The following TRPM6 variants were observed in gnomAD, a reference collection of about 807,000 sequenced individuals.
TRPM6 encodes the protein channel kinase 2.
TRPM6 carries 111 observed loss-of-function variants against 247.6 expected under a neutral mutation model. The ratio of observed to expected loss-of-function variants is 0.45; its 90% confidence interval spans 0.38 to 0.52. The LOEUF (loss-of-function observed/expected upper bound fraction) is 0.52. Ranked by LOEUF, TRPM6 falls within the 20% of genes least tolerant of loss-of-function variation. The pLI, the probability that TRPM6 is intolerant of heterozygous loss-of-function variation, is 0.00. For missense variants in TRPM6, 2,126 were observed against 2,421.5 expected (o/e 0.88, Z 2.56); for synonymous variants, 892 against 853.8 (o/e 1.04, Z -0.78).
Position 74,728,221 on chromosome 9 carries a change from G to A in TRPM6, c.5935+18C>T, listed in dbSNP as rs1449273081. ...ATGAGAGATTTACTTAGAGAAAAAA[G>A]AACTGTTAGTGGCATACCCGGGAGT... On this transcript the variant is annotated intron_variant, in intron 38 of 38. Transcript: ENST00000360774. 6.4e-7 allele frequency: 1 copy of A among 1,569,454 alleles called. No individual in the cohort carries two copies.
chr9:74,737,317 G>A (rs1158957806), intron 36 of TRPM6: 2 of 1,246,044 alleles, frequency 1.6e-6, no homozygotes, highest in African/African-American at 3.1e-5. Context: ...CCTTGAGCAT[G>A]TGACACAAGT....
intron 3 of TRPM6, among the ~76,000 whole-genome samples, chr9:74,844,821 C>T (rs1200063127): frequency 6.6e-6 from 1 of 152,220 alleles, no homozygotes; most frequent in South Asian, 2.1e-4. Flanking sequence ...TTTCAACATG[C>T]CTTCCTCACT....
chr9:74,799,833 C>T (rs970436818), intron 17 of TRPM6: 18 of 213,776 alleles, frequency 8.4e-5, no homozygotes, highest in Middle Eastern at 1.8e-3. Flanking sequence ...AGATAAAAGT[C>T]GTCTTCACAG....
chr9:74,778,006 CT>C (rs1262216808), intron 23 of TRPM6, among the ~76,000 whole-genome samples: 8 of 152,298 alleles, frequency 5.3e-5, no homozygotes, highest in African/African-American at 1.7e-4. Context: ...AGGTGCCACC[CT>C]ACAAAATGCC....
In TRPM6 at chr9:74,737,855, C is replaced by T. The variant is rs532096387; in HGVS notation, c.5776+552G>A. Among the ~76,000 whole-genome samples the T allele has an allele frequency of 2.6e-5, 4 of 152,178 alleles. No individual in the cohort carries two copies. In the East Asian group the frequency reaches 5.8e-4, roughly 22 times the overall value. ...CTGCTGGAGATACTCTGTTTTGTGC[C>T]GCAGGATTATAAGTCACATGTGAGG... On this transcript the variant is annotated intron_variant, in intron 36 of 38. Coordinates refer to ENST00000360774, the MANE Select transcript of TRPM6 (RefSeq NM_017662.5).
At chr9:74,853,797 T>G (rs1378396116) in intron 3 of TRPM6, among the ~76,000 whole-genome samples, 1 of 152,008 alleles carries the variant, frequency 6.6e-6, no homozygotes, top group South Asian at 2.1e-4. Flanking sequence ...TTCCCTCCAC[T>G]ATTGTCCTAT....
In TRPM6 at chr9:74,762,039, G is replaced by A. The variant is rs1204490917; in HGVS notation, c.4632C>T (p.Phe1544=). The A allele has an allele frequency of 6.2e-7, 1 of 1,613,888 alleles. No homozygotes were observed. Among genetic ancestry groups the A allele is most frequent in the African/African-American group, 1.3e-5 (1 of 74,868 alleles). ...TCTTCATCAATTTCTCCTCCTTATG[G>A]AATCTAAAACTATGACTCCTAGCGA... is the stretch of plus-strand genomic sequence containing the variant. ...RPFARSHSFR[F]HKEEKLMKIC... is the part of the protein sequence containing the mutation. Residue 1544 remains phenylalanine, a synonymous_variant, in exon 26 of 39, where the codon TTC becomes TTT. Coordinates refer to ENST00000360774, the MANE Select transcript of TRPM6 (RefSeq NM_017662.5).
intron 7 of TRPM6, among the ~76,000 whole-genome samples, chr9:74,823,088 TA>T (rs1350597246): frequency 6.6e-6 from 1 of 152,240 alleles, no homozygotes; most frequent in African/African-American, 2.4e-5. Context: ...CACTGTATTT[TA>T]TTTTATTTTC....
intron 27 of TRPM6, among the ~76,000 whole-genome samples, chr9:74,761,005 T>A (rs1406538448): frequency 1.3e-5 from 2 of 152,152 alleles, no homozygotes; most frequent in African/African-American, 4.8e-5. Flanking sequence ...CTACCAGATA[T>A]GTTCCCTCCA....
At chr9:74,882,610 A>T (rs1831397921) in intron 1 of TRPM6, among the ~76,000 whole-genome samples, 1 of 152,224 alleles carries the variant, frequency 6.6e-6, no homozygotes, top group Non-Finnish European at 1.5e-5. Flanking sequence ...ACAAAAATTA[A>T]CAAATACTGG....
At chr9:74,830,015 C>T (rs1829488785) in intron 6 of TRPM6, among the ~76,000 whole-genome samples, 1 of 151,936 alleles carries the variant, frequency 6.6e-6, no homozygotes, top group African/African-American at 2.4e-5. Context: ...CATGTAGTAC[C>T]AACTACTCTG....
chr9:74,753,875 C>T (rs972641907), intron 28 of TRPM6, among the ~76,000 whole-genome samples: 2 of 152,052 alleles, frequency 1.3e-5, no homozygotes, highest in Non-Finnish European at 2.9e-5. Flanking sequence ...CTCAGATTAG[C>T]CGGGCACTCG....
chr9:74,803,790 G>A lies in TRPM6; in HGVS notation c.1731+4C>T. On this transcript the variant is annotated splice_donor_region_variant and intron_variant, in intron 15 of 38. Transcript: ENST00000360774. ...TTTCAAGTTGAAAAACAAGTAAATG[G>A]TACCTTGAATTTGTATGGCTGTGCA... The A allele has an allele frequency of 6.3e-7, 1 of 1,597,560 alleles. No homozygotes were observed. The highest frequency in any genetic ancestry group is 8.6e-7 in the Non-Finnish European group (1 of 1,164,954).
rs780798466 is a variant in TRPM6 at position 74,762,153 on chromosome 9, C to A, written c.4518G>T (p.Ser1506=). The change falls in exon 26 of 39, where the codon TCG becomes TCT. Residue 1506 remains serine (S), a synonymous_variant. Transcript: ENST00000360774. ...CCTCTGAGCATTCACTACTCTGGGC[C>A]GATCTTGTTGAGTTATCAGATAGGG... The part of the protein sequence containing the change: ...DSSLSDNSTR[S]AQSSECSEVG... 2 of 1,614,182 alleles carry A rather than the reference C, an allele frequency of 1.2e-6. No individual in the cohort carries two copies. Among genetic ancestry groups the A allele is most frequent in the South Asian group, 1.1e-5 (1 of 91,082 alleles).
chr9:74,821,283 C>T (rs1178286431), intron 8 of TRPM6, among the ~76,000 whole-genome samples: 1 of 152,158 alleles, frequency 6.6e-6, no homozygotes, highest in Non-Finnish European at 1.5e-5. Flanking sequence ...TTCCCAATTT[C>T]TGCTATTTCC....
At chr9:74,886,939 T>C (rs748890476) in intron 1 of TRPM6, among the ~76,000 whole-genome samples, 6 of 152,244 alleles carry the variant, frequency 3.9e-5, no homozygotes, top group Admixed American at 1.3e-4. Flanking sequence ...CTAAGCTGCC[T>C]GGACTATTCC....
intron 11 of TRPM6, among the ~76,000 whole-genome samples, chr9:74,813,005 G>A (rs1828791156): frequency 6.6e-6 from 1 of 152,234 alleles, no homozygotes; most frequent in South Asian, 2.1e-4. Context: ...ACTGATTATT[G>A]TAAAGATCTC....
chr9:74,726,793 C>T (rs1267585382), intron 38 of TRPM6, among the ~76,000 whole-genome samples: 4 of 152,140 alleles, frequency 2.6e-5, no homozygotes, highest in African/African-American at 7.2e-5. Context: ...TGACTCTGAT[C>T]GTTGTCAGCT....
chr9:74,730,634 AG>A lies in TRPM6; in HGVS notation c.5828+2050del, dbSNP rs529539541. Among the ~76,000 whole-genome samples the A allele has an allele frequency of 3.3e-5, 5 of 152,194 alleles. No individual in the cohort carries two copies. The South Asian group carries it at 6.2e-4, about 19-fold the overall frequency. ...CTTGTGGAAATTCAGATTTTGGTTC[AG>A]TATTTCTGGGGAGGGTCCTGAGATT... is the stretch of plus-strand genomic sequence containing the variant. On this transcript the variant is annotated intron_variant, in intron 37 of 38. Transcript: ENST00000360774.
Sources: gnomAD v4.1 joint callset for allele counts (sites outside exome capture counted in the v4.1 genomes callset) on GRCh38, gnomAD v4.1.1 for gene constraint, MANE v1.5 for transcripts, NCBI Gene and HGNC (gene_info 2026-07-23, HGNC 2026-07-21) for gene names.